The following ACAD11 variants were observed in gnomAD, a reference collection of about 807,000 sequenced individuals.
ACAD11 encodes acyl-Coenzyme A dehydrogenase family, member 11.
In ACAD11, 83 loss-of-function variants were observed where a neutral mutation model predicts 102.2. The observed-to-expected ratio is 0.81, with a 90% confidence interval of 0.68 to 0.97. The LOEUF (loss-of-function observed/expected upper bound fraction) is 0.97, where lower values mean the gene tolerates loss of function less well. Among genes scored for constraint, ACAD11 ranks in the 50% least tolerant of loss-of-function variants. The pLI is 0.00. For synonymous variants in ACAD11, 324 were observed against 319.8 expected (o/e 1.01, Z -0.14); for missense variants, 901 against 951.7 (o/e 0.95, Z 0.70).
At chr3:132,641,131 AC>A (rs1217036130) in intron 4 of ACAD11, among the ~76,000 whole-genome samples, 2 of 152,196 alleles carry the variant, frequency 1.3e-5, no homozygotes, top group Non-Finnish European at 1.5e-5. Flanking sequence ...CTCAAAAATG[AC>A]CATAAGTTCC....
At chr3:132,586,598 A>G (rs940511113) in intron 13 of ACAD11, among the ~76,000 whole-genome samples, 8 of 152,120 alleles carry the variant, frequency 5.3e-5, no homozygotes, top group African/African-American at 1.9e-4. Flanking sequence ...CAAATACATG[A>G]CTTATTGTCT....
At chr3:132,599,514 AATTAAAT>A (rs1206422464) in intron 13 of ACAD11, among the ~76,000 whole-genome samples, 1 of 152,088 alleles carries the variant, frequency 6.6e-6, no homozygotes, top group African/African-American at 2.4e-5. Context: ...TCAAAAAAAA[AATTAAAT>A]ATTAAATATT....
chr3:132,653,881 A>G (rs984331082), intron 1 of ACAD11, among the ~76,000 whole-genome samples: 2 of 152,142 alleles, frequency 1.3e-5, no homozygotes, highest in Non-Finnish European at 2.9e-5. Context: ...TCTAAGTAAG[A>G]CCTTCGATCT....
intron 9 of ACAD11, among the ~76,000 whole-genome samples, chr3:132,620,136 C>T (rs915476144): frequency 6.6e-6 from 1 of 152,096 alleles, no homozygotes; most frequent in Non-Finnish European, 1.5e-5. Context: ...ATGGGTAAAA[C>T]CTAAGTGGAA....
At chr3:132,577,454 C>T (rs898174710) in intron 15 of ACAD11, among the ~76,000 whole-genome samples, 2 of 152,004 alleles carry the variant, frequency 1.3e-5, no homozygotes, top group African/African-American at 4.8e-5. Flanking sequence ...ATTGTGGAAA[C>T]CAACGCCTAA....
At chr3:132,639,236 G>A (rs891923208) in intron 5 of ACAD11, among the ~76,000 whole-genome samples, 4 of 152,194 alleles carry the variant, frequency 2.6e-5, no homozygotes, top group African/African-American at 9.6e-5. Flanking sequence ...CATCATGCAT[G>A]TAAAATTCCC....
chr3:132,559,125 G>T, intron 19 of ACAD11, 40 bp from the exon 20 acceptor site: 1 of 1,376,262 alleles, frequency 7.3e-7, no homozygotes, highest in Non-Finnish European at 1.0e-6. Context: ...GGGAGTTATG[G>T]AAGAGGAACA....
chr3:132,655,309 TTTG>T (rs1184061199), intron 1 of ACAD11, among the ~76,000 whole-genome samples: 6 of 152,176 alleles, frequency 3.9e-5, no homozygotes, highest in Admixed American at 1.3e-4. Flanking sequence ...TTCTGTTTTT[TTTG>T]TTGTTGTTGT....
chr3:132,612,157 A>G (rs1479049450), intron 11 of ACAD11, among the ~76,000 whole-genome samples: 1 of 152,066 alleles, frequency 6.6e-6, no homozygotes, highest in Admixed American at 6.5e-5. Flanking sequence ...GGTGCTGGGA[A>G]AACTGGCTAG....
intron 11 of ACAD11, among the ~76,000 whole-genome samples, chr3:132,613,027 C>T (rs1939226524): frequency 6.6e-6 from 1 of 152,090 alleles, no homozygotes; most frequent in South Asian, 2.1e-4. Context: ...GCATATACAC[C>T]ATGGAATACT....
intron 1 of ACAD11, among the ~76,000 whole-genome samples, chr3:132,646,192 T>C (rs1291960921): frequency 6.6e-6 from 1 of 152,102 alleles, no homozygotes; most frequent in Non-Finnish European, 1.5e-5. Flanking sequence ...TCTCGATCTC[T>C]TGACCTCGTG....
At chr3:132,566,134 A>C (rs566690427) in intron 17 of ACAD11, among the ~76,000 whole-genome samples, 1 of 152,118 alleles carries the variant, frequency 6.6e-6, no homozygotes, top group African/African-American at 2.4e-5. Context: ...TGTAAAGAAA[A>C]ACCAAATGGG....
intron 17 of ACAD11, among the ~76,000 whole-genome samples, chr3:132,568,947 G>A (rs1937299489): frequency 6.6e-6 from 1 of 151,916 alleles, no homozygotes; most frequent in Non-Finnish European, 1.5e-5. Context: ...GGATTCGGCA[G>A]AGTTATTAGA....
rs1940773966 is a variant in ACAD11 at position 132,647,894 on chromosome 3, T to C, written c.150-2998A>G. On this transcript the variant is annotated intron_variant, in intron 1 of 19. Transcript: ENST00000264990. ...TGGTGAGGACCCACTTTCTTATAGATGGCACATTCTTGCTCTTTCCTCACA... is the reference window on the plus strand; with the variant it reads ...TGGTGAGGACCCACTTTCTTATAGACGGCACATTCTTGCTCTTTCCTCACA... Among the ~76,000 whole-genome samples the C allele has an allele frequency of 5.3e-5, 8 of 152,288 alleles. No individual in the cohort carries two copies. The South Asian group carries it at 1.7e-3, about 32-fold the overall frequency.
In ACAD11 at chr3:132,631,361, C is replaced by T; in HGVS notation, c.821G>A (p.Gly274Asp). The stretch of plus-strand genomic sequence containing the variant: ...TATACCTGAGTTTTCACTATAAGAA[C>T]CTTGATTTATCATTGGAACTGTCCT... ...WPRTVPMINQ[G>D]SYSENSGIPS... The change falls in exon 6 of 20, where the codon GGT becomes GAT. Residue 274 changes from glycine to aspartate, a missense_variant. By Grantham distance (94) the Gly-to-Asp change is moderately conservative. Transcript: ENST00000264990. 6.6e-7 allele frequency: 1 copy of T among 1,503,986 alleles called. No individual in the cohort carries two copies. The highest frequency in any genetic ancestry group is 8.9e-7 in the Non-Finnish European group (1 of 1,122,198). 93.2% of individuals were successfully genotyped at this position (1,503,986 alleles called of 1,614,324 possible).
At chr3:132,583,743 T>C (rs569425690) in intron 13 of ACAD11, among the ~76,000 whole-genome samples, 2 of 152,332 alleles carry the variant, frequency 1.3e-5, no homozygotes, top group African/African-American at 4.8e-5. Flanking sequence ...GATTCTGGTA[T>C]GTTGTGTCTT....
At chr3:132,656,151 A>C (rs1372206713) in intron 1 of ACAD11, among the ~76,000 whole-genome samples, 8 of 152,234 alleles carry the variant, frequency 5.3e-5, no homozygotes, top group Non-Finnish European at 1.2e-4. Flanking sequence ...TGTTATGTAC[A>C]GCTGTAGCTG....
intron 8 of ACAD11, chr3:132,627,027 C>T (rs1010715628): frequency 2.5e-5 from 11 of 441,802 alleles, no homozygotes; most frequent in African/African-American, 2.2e-4. Flanking sequence ...ATGCTTAAAG[C>T]ACTATTTGGG....
chr3:132,638,368 T>C (rs138893943), intron 5 of ACAD11, among the ~76,000 whole-genome samples: 188 of 152,264 alleles, frequency 1.2e-3, no homozygotes, highest in Non-Finnish European at 1.9e-3. Flanking sequence ...GGGACTCTAA[T>C]TATTTCAAAA....
Sources: allele counts gnomAD v4.1 joint callset (sites outside exome capture counted in the v4.1 genomes callset), GRCh38; gene constraint gnomAD v4.1.1; transcripts MANE v1.5; gene names NCBI Gene and HGNC (gene_info 2026-07-23, HGNC 2026-07-21).